The following TMEFF2 variants were observed in gnomAD, a reference collection of about 807,000 sequenced individuals.
TMEFF2 encodes transmembrane protein with EGF like and two follistatin like domains 2, also known as tomoregulin-2.
Under a neutral mutation model 53.8 loss-of-function variants are expected in TMEFF2, and 28 were observed. The observed-to-expected ratio is 0.52, with a 90% CI of 0.39 to 0.71. The LOEUF (loss-of-function observed/expected upper bound fraction) is 0.71, where lower values mean the gene tolerates loss of function less well. TMEFF2 is among the 30% of genes least tolerant of loss of function. TMEFF2 has a pLI of 0.00. For missense variants in TMEFF2, 353 were observed against 455.2 expected (o/e 0.78, Z 2.04); for synonymous variants, 162 against 166.3 (o/e 0.97, Z 0.20).
chr2:192,037,486 G>C (rs1427376089), intron 5 of TMEFF2, among the ~76,000 whole-genome samples: 1 of 151,660 alleles, frequency 6.6e-6, no homozygotes, highest in East Asian at 2.0e-4. Flanking sequence ...GCAGGTCCAC[G>C]ATATGGAAAG....
rs908323992 is a variant in TMEFF2, at chr2:192,029,934, T to C, written c.536+27745A>G. On this transcript the variant is annotated intron_variant, in intron 5 of 9. Transcript: ENST00000272771. ...GCTGGATTCTATACCTGCTTCTTCA[T>C]TGAATCTGTTGAAGAGCACATATCA... 5.3e-5 allele frequency among the ~76,000 whole-genome samples: 8 copies of C among 152,240 alleles called. No individual in the cohort carries two copies. In the East Asian group the frequency reaches 7.7e-4, roughly 15 times the overall value.
At chr2:192,159,948 G>A (rs1002056546) in intron 4 of TMEFF2, among the ~76,000 whole-genome samples, 1 of 152,186 alleles carries the variant, frequency 6.6e-6, no homozygotes, top group African/African-American at 2.4e-5. Context: ...ATGAGAAGAA[G>A]TAATAGGGCC....
chr2:192,052,333 A>G (rs918466076), intron 5 of TMEFF2, among the ~76,000 whole-genome samples: 1 of 152,184 alleles, frequency 6.6e-6, no homozygotes, highest in African/African-American at 2.4e-5. Flanking sequence ...TTTTGTATGT[A>G]TATGTATATT....
chr2:192,031,253 G>A (rs1687129470), intron 5 of TMEFF2: 1 of 151,894 alleles, frequency 6.6e-6, no homozygotes, highest in African/African-American at 2.4e-5. Flanking sequence ...CTACATATAT[G>A]CTTACTTATT....
At chr2:192,083,369 G>T (rs1181911858) in intron 4 of TMEFF2, among the ~76,000 whole-genome samples, 1 of 152,042 alleles carries the variant, frequency 6.6e-6, no homozygotes, top group African/African-American at 2.4e-5. Flanking sequence ...TGTCATATGT[G>T]GTTTCAGGAG....
intron 7 of TMEFF2, among the ~76,000 whole-genome samples, chr2:191,978,403 T>C (rs551546437): frequency 2.0e-5 from 3 of 152,058 alleles, no homozygotes; most frequent in African/African-American, 7.2e-5. Context: ...AATTCTTTCA[T>C]TGAAAAGTCA....
chr2:191,959,123 A>G (rs1692192701), intron 7 of TMEFF2, among the ~76,000 whole-genome samples: 1 of 152,206 alleles, frequency 6.6e-6, no homozygotes, highest in African/African-American at 2.4e-5. Flanking sequence ...GGAAGTCTGC[A>G]TGTTTCCTTC....
chr2:192,039,060 C>T (rs935002548), intron 5 of TMEFF2, among the ~76,000 whole-genome samples: 2 of 151,918 alleles, frequency 1.3e-5, no homozygotes, highest in Admixed American at 1.3e-4. Context: ...CCCCATCTAA[C>T]TTAACATTAT....
chr2:191,964,392 TTCTTTC>T (rs72310298), intron 7 of TMEFF2, among the ~76,000 whole-genome samples: 5,136 of 41,036 alleles, frequency 0.13, 273 homozygotes, highest in East Asian at 0.26. Context: ...CTTTCTTTCT[TTCTTTC>T]TCTTTCTTTC....
chr2:192,074,450 C>T (rs7558264), intron 4 of TMEFF2, among the ~76,000 whole-genome samples: 145,009 of 151,786 alleles, frequency 0.96, 69,624 homozygotes, highest in East Asian at 1. Context: ...TGAATGATAA[C>T]TAAACTATTT....
At chr2:192,112,687 G>T (rs1020884939) in intron 4 of TMEFF2, among the ~76,000 whole-genome samples, 2 of 152,016 alleles carry the variant, frequency 1.3e-5, no homozygotes, top group Non-Finnish European at 2.9e-5. Context: ...GATATGGTTG[G>T]GCTATGTCCT....
intron 5 of TMEFF2, chr2:192,029,360 T>A (rs977609563): frequency 2.0e-5 from 3 of 152,284 alleles, no homozygotes; most frequent in African/African-American, 7.2e-5. Flanking sequence ...GAAGCACAGC[T>A]AAGCCACACC....
chr2:192,024,300 T>TA (rs1686920323), intron 5 of TMEFF2, among the ~76,000 whole-genome samples: 1 of 152,218 alleles, frequency 6.6e-6, no homozygotes, highest in South Asian at 2.1e-4. Context: ...TTGTATATTG[T>TA]AAAAAATTCA....
At chr2:192,148,562 T>C (rs1690308554) in intron 4 of TMEFF2, among the ~76,000 whole-genome samples, 1 of 151,990 alleles carries the variant, frequency 6.6e-6, no homozygotes, top group Admixed American at 6.6e-5. Context: ...TGATATGTCA[T>C]TGACTATCAG....
At chr2:192,168,515 T>C (rs1690826098) in intron 4 of TMEFF2, among the ~76,000 whole-genome samples, 1 of 152,120 alleles carries the variant, frequency 6.6e-6, no homozygotes, top group Admixed American at 6.6e-5. Flanking sequence ...CTAAAATATC[T>C]TCAATTCTTT....
intron 7 of TMEFF2, among the ~76,000 whole-genome samples, chr2:191,959,032 T>C (rs1692189232): frequency 6.6e-6 from 1 of 152,204 alleles, no homozygotes; most frequent in Admixed American, 6.5e-5. Flanking sequence ...GTGTTTGTGA[T>C]CTTAATGTTT....
chr2:192,160,132 CA>C (rs996805551), intron 4 of TMEFF2, among the ~76,000 whole-genome samples: 12 of 152,054 alleles, frequency 7.9e-5, no homozygotes, highest in African/African-American at 2.9e-4. Context: ...TTAGGTGGAG[CA>C]AATATGTGTG....
intron 5 of TMEFF2, among the ~76,000 whole-genome samples, chr2:192,020,395 A>T (rs1003721997): frequency 2.0e-5 from 3 of 152,110 alleles, no homozygotes; most frequent in Non-Finnish European, 4.4e-5. Flanking sequence ...TTTTCACCAA[A>T]TATCAAGATT....
intron 5 of TMEFF2, among the ~76,000 whole-genome samples, chr2:192,048,658 T>C (rs1283614155): frequency 6.6e-6 from 1 of 152,162 alleles, no homozygotes; most frequent in African/African-American, 2.4e-5. Context: ...TAAAATCCAC[T>C]GTCATATTTA....
Sources: allele counts gnomAD v4.1 joint callset (sites outside exome capture counted in the v4.1 genomes callset), GRCh38; gene constraint gnomAD v4.1.1; transcripts MANE v1.5; gene names NCBI Gene and HGNC (gene_info 2026-07-23, HGNC 2026-07-21).